The following COG2 variants were observed in gnomAD, a reference collection of about 807,000 sequenced individuals.
COG2 encodes the protein conserved oligomeric Golgi complex subunit 2.
A neutral mutation model predicts 90.6 loss-of-function variants in COG2; 52 were observed. The ratio of observed to expected loss-of-function variants is 0.57; its 90% CI spans 0.46 to 0.72. COG2 has a LOEUF of 0.72. Ranked by LOEUF, COG2 falls within the 30% of genes least tolerant of loss-of-function variation. COG2 has a pLI of 0.00. For synonymous variants in COG2, 337 were observed against 320.4 expected, an observed-to-expected ratio of 1.05 and a Z score of -0.55; for missense variants, 829 against 891.2, an observed-to-expected ratio of 0.93 and a Z score of 0.89.
chr1:230,676,558 A>T (rs1228823516), intron 9 of COG2, among the ~76,000 whole-genome samples: 1 of 152,034 alleles, frequency 6.6e-6, no homozygotes, highest in Non-Finnish European at 1.5e-5. Context: ...AATCTTAAAA[A>T]CTGGTCATTT....
chr1:230,651,724 A>G (rs1661919241), intron 1 of COG2, among the ~76,000 whole-genome samples: 1 of 152,226 alleles, frequency 6.6e-6, no homozygotes, highest in African/African-American at 2.4e-5. Flanking sequence ...AGACACAGGC[A>G]TATATATTTT....
chr1:230,688,683 C>T, intron 15 of COG2, 121 bp downstream of exon 15: 4 of 1,120,794 alleles, frequency 3.6e-6, no homozygotes, highest in Non-Finnish European at 3.9e-6. Flanking sequence ...TGAGCTCATC[C>T]CATTCTGAGA....
At chr1:230,691,717 T>C in intron 17 of COG2, 153 bp downstream of exon 17, 1 of 675,196 alleles carries the variant, frequency 1.5e-6, no homozygotes. Context: ...GCTCCCAAAT[T>C]ACTTTGCCCC....
intron 1 of COG2, among the ~76,000 whole-genome samples, chr1:230,644,809 G>A (rs959374897): frequency 6.6e-6 from 1 of 152,170 alleles, no homozygotes; most frequent in Non-Finnish European, 1.5e-5. Context: ...TTAAAAGCAG[G>A]AAATGACATG....
chr1:230,687,164 C>T (rs1274980756), intron 13 of COG2, 32 bp downstream of exon 13: 8 of 1,576,496 alleles, frequency 5.1e-6, no homozygotes, highest in Admixed American at 1.7e-5. Flanking sequence ...ATTCCAGGTG[C>T]TTGGTTTAAT....
chr1:230,673,944 G>A (rs555366303), intron 8 of COG2, among the ~76,000 whole-genome samples: 20 of 152,210 alleles, frequency 1.3e-4, no homozygotes, highest in African/African-American at 3.9e-4. Context: ...GTTAAGTCCC[G>A]TTTTGACATG....
At chr1:230,690,277 TTAGTCAGA>T in intron 16 of COG2, 124 bp downstream of exon 16, 2 of 809,152 alleles carry the variant, frequency 2.5e-6, no homozygotes, top group Middle Eastern at 7.2e-4. Flanking sequence ...CTTCACTGGA[TTAGTCAGA>T]GTGTGTGTCC....
At chr1:230,667,739 G>GT (rs1358617809) in intron 5 of COG2, among the ~76,000 whole-genome samples, 27 of 152,142 alleles carry the variant, frequency 1.8e-4, no homozygotes, top group African/African-American at 6.3e-4. Context: ...ACAGAACTGG[G>GT]TGGACCACTG....
At chr1:230,684,901 G>A (rs1272691081) in intron 11 of COG2, among the ~76,000 whole-genome samples, 184 bp from the exon 12 acceptor site, 1 of 152,218 alleles carries the variant, frequency 6.6e-6, no homozygotes, top group Non-Finnish European at 1.5e-5. Context: ...GAAGGATGTG[G>A]TAGGGAACTT....
intron 1 of COG2, among the ~76,000 whole-genome samples, chr1:230,652,488 G>C (rs1468586045): frequency 1.3e-5 from 2 of 152,072 alleles, no homozygotes; most frequent in African/African-American, 4.8e-5. Context: ...CCAAGTTTTG[G>C]CAGTTAGAAT....
chr1:230,685,082 T>G lies in COG2; in HGVS notation c.1229-3T>G. On this transcript the variant is annotated splice_polypyrimidine_tract_variant and splice_region_variant and intron_variant, in intron 11 of 17. Coordinates refer to ENST00000366669, the MANE Select transcript of COG2 (RefSeq NM_007357.3). ...ATGTGTGTTGTTGTTGTTTTTTCTC[T>G]AGCTGAAAGTCCGTATTGCCTTTTG... The G allele has an allele frequency of 6.2e-7, 1 of 1,613,930 alleles. No homozygotes were observed. The highest frequency in any genetic ancestry group is 1.3e-5 in the African/African-American group (1 of 75,038).
chr1:230,645,485 C>T (rs1410387192), intron 1 of COG2, among the ~76,000 whole-genome samples: 9 of 152,094 alleles, frequency 5.9e-5, no homozygotes, highest in Non-Finnish European at 1.5e-5. Context: ...ACAGCAACCT[C>T]GTTCTTGCAT....
At position 230,671,528 on chromosome 1, in the gene COG2, C is replaced by G; in HGVS notation, c.787C>G (p.Gln263Glu). ...KPYIDEVIIE[Q>E]FVESHPNGLQ... ...TTTCTTTTAATAGGTGATTATAGAG[C>G]AGTTTGTTGAATCTCATCCCAATGG... The change falls in exon 8 of 18, where the codon CAG becomes GAG. Residue 263 changes from glutamine (Q) to glutamate (E), a missense_variant. Physicochemically the swap from Gln to Glu is conservative, Grantham distance 29 (BLOSUM62 2). Coordinates refer to ENST00000366669, the MANE Select transcript of COG2 (RefSeq NM_007357.3). 6.2e-7 allele frequency: 1 copy of G among 1,611,920 alleles called. No individual in the cohort carries two copies. The highest frequency in any genetic ancestry group is 8.5e-7 in the Non-Finnish European group (1 of 1,178,788).
rs565663793 is a variant in COG2 at position 230,652,865 on chromosome 1, T to A, written c.73-6599T>A. Among the ~76,000 whole-genome samples the A allele has an allele frequency of 6.6e-5, 10 of 152,336 alleles. No individual in the cohort carries two copies. In the South Asian group the frequency reaches 1.9e-3, roughly 28 times the overall value. Reference sequence around the variant, plus strand: ...TGCCCACCCCAGCTTTATTTAGGTATGATTGTCAAATAAAAATTGTATGAC... The same window carrying A: ...TGCCCACCCCAGCTTTATTTAGGTAAGATTGTCAAATAAAAATTGTATGAC... On this transcript the variant is annotated intron_variant, in intron 1 of 17. Coordinates refer to ENST00000366669, the MANE Select transcript of COG2 (RefSeq NM_007357.3).
intron 1 of COG2, among the ~76,000 whole-genome samples, chr1:230,652,092 A>C (rs1022250937): frequency 6.6e-6 from 1 of 152,220 alleles, no homozygotes; most frequent in African/African-American, 2.4e-5. Flanking sequence ...TAATAAGTAC[A>C]TAGTGTCATG....
intron 16 of COG2, chr1:230,690,427 T>C: frequency 3.4e-6 from 1 of 290,016 alleles, no homozygotes; most frequent in Non-Finnish European, 6.4e-6. Context: ...CTGCGTTCCC[T>C]GCAGGTGCCG....
At position 230,669,488 on chromosome 1, in the gene COG2, G is replaced by A. The variant is rs201839796; in HGVS notation, c.727G>A (p.Ala243Thr). 6.8e-6 allele frequency: 11 copies of A among 1,613,926 alleles called. No homozygotes were observed. Among genetic ancestry groups the A allele is most frequent in the South Asian group, 5.5e-5 (5 of 91,082 alleles). The change falls in exon 7 of 18, where the codon GCG becomes ACG. Residue 243 changes from alanine (A) to threonine (T), a missense_variant. Ala to Thr is a moderately conservative substitution (Grantham distance 58). Transcript: ENST00000366669. ...CGCCACGATTGACAAGACACGGGAC[G>A]CGGAGGCCTTAGTTGGCCAAGTACT... is the stretch of plus-strand genomic sequence containing the variant. ...TYATIDKTRD[A>T]EALVGQVLVK...
intron 1 of COG2, among the ~76,000 whole-genome samples, chr1:230,650,375 G>T (rs535051660): frequency 8.5e-5 from 13 of 152,100 alleles, no homozygotes; most frequent in African/African-American, 2.6e-4. Flanking sequence ...GTTGTTTTTT[G>T]ACTTTTTAAT....
chr1:230,642,821 A>G (rs560375121), intron 1 of COG2, 143 bp downstream of exon 1: 210 of 733,938 alleles, frequency 2.9e-4, no homozygotes, highest in Non-Finnish European at 3.8e-4. Flanking sequence ...GCACTTCGCA[A>G]TGAGTCTTTT....
Sources: gnomAD v4.1 joint callset for allele counts (sites outside exome capture counted in the v4.1 genomes callset) on GRCh38, gnomAD v4.1.1 for gene constraint, MANE v1.5 for transcripts, NCBI Gene and HGNC (gene_info 2026-07-23, HGNC 2026-07-21) for gene names.